The following SLC75A1 variants were observed in gnomAD, a reference collection of about 807,000 sequenced individuals.
SLC75A1 encodes the protein solute carrier family 75 member 1.
chr4:2,932,675 G>T, the SLC75A1 span: 1 of 1,611,090 alleles, frequency 6.2e-7, no homozygotes, highest in African/African-American at 1.3e-5. Context: ...TCCCTTTGCT[G>T]ATGCCCCCAA....
chr4:2,930,933 G>C, the SLC75A1 span: 1 of 1,613,022 alleles, frequency 6.2e-7, no homozygotes. Flanking sequence ...AAGCAGGCCT[G>C]GGCCCCGGCC....
the SLC75A1 span, chr4:2,933,773 C>G: frequency 6.3e-7 from 1 of 1,597,200 alleles, no homozygotes; most frequent in Non-Finnish European, 8.5e-7. Context: ...CCGTGGCTCT[C>G]CAACAGCCCG....
the SLC75A1 span, chr4:2,934,086 C>T: frequency 1.3e-6 from 1 of 753,220 alleles, no homozygotes; most frequent in Middle Eastern, 3.9e-4. Context: ...GCCGTTCTGG[C>T]CTGCGCGATG....
At chr4:2,933,672 T>G in the SLC75A1 span, 2 of 1,612,750 alleles carry the variant, frequency 1.2e-6, no homozygotes, top group Non-Finnish European at 1.7e-6. Context: ...TCCTAGGGGA[T>G]GAGGAATCAC....
the SLC75A1 span, chr4:2,931,583 G>A: frequency 6.2e-7 from 1 of 1,613,242 alleles, no homozygotes; most frequent in Non-Finnish European, 8.5e-7. Flanking sequence ...TTCCCCGCCA[G>A]GGTGGATCCG....
At chr4:2,932,908 G>A in the SLC75A1 span, 1 of 1,125,962 alleles carries the variant, frequency 8.9e-7, no homozygotes, top group Non-Finnish European at 1.2e-6. Flanking sequence ...CCTTCCTAGG[G>A]GCCAGGAGCA....
the SLC75A1 span, chr4:2,934,065 C>A: frequency 3.3e-6 from 3 of 921,956 alleles, no homozygotes; most frequent in Admixed American, 2.8e-5. Context: ...CTCTGGCCTA[C>A]GGACGCAGGG....
chr4:2,933,881 T>G, the SLC75A1 span: 5 of 1,580,904 alleles, frequency 3.2e-6, no homozygotes, highest in African/African-American at 6.7e-5. Context: ...TGCTGGTGGA[T>G]GGGTGGGCGC....
the SLC75A1 span, chr4:2,933,772 T>C: frequency 6.3e-7 from 1 of 1,597,578 alleles, no homozygotes; most frequent in Admixed American, 1.8e-5. Flanking sequence ...GCCGTGGCTC[T>C]CCAACAGCCC....
chr4:2,930,971 C>T, the SLC75A1 span: 1,174 of 1,612,862 alleles, frequency 7.3e-4, 3 homozygotes, highest in East Asian at 0.015. Flanking sequence ...GAGACGGTGG[C>T]GTCACCCAGT....
chr4:2,931,343 A>G, the SLC75A1 span: 5 of 1,544,244 alleles, frequency 3.2e-6, no homozygotes, highest in African/African-American at 4.1e-5. Flanking sequence ...CCTGCTGCCC[A>G]TCGGATCCCC....
chr4:2,932,064 C>G, the SLC75A1 span: 1 of 1,611,042 alleles, frequency 6.2e-7, no homozygotes, highest in East Asian at 2.2e-5. Context: ...AGGGTGGGTC[C>G]TGGCCACGAG....
At chr4:2,931,972 C>T in the SLC75A1 span, 136 of 1,602,726 alleles carry the variant, frequency 8.5e-5, no homozygotes, top group African/African-American at 1.7e-3. Flanking sequence ...AAGGCGACCA[C>T]AGCAGGGAAG....
the SLC75A1 span, chr4:2,932,387 G>T: frequency 6.2e-7 from 1 of 1,613,602 alleles, no homozygotes; most frequent in East Asian, 2.2e-5. Flanking sequence ...GCAGGAAGCA[G>T]AAGATGAACA....
chr4:2,931,947 G>T, the SLC75A1 span: 2 of 1,605,074 alleles, frequency 1.2e-6, no homozygotes, highest in Non-Finnish European at 1.7e-6. Flanking sequence ...CTGGGGAGAG[G>T]TGGCGCGTGC....
At chr4:2,933,302 G>A in the SLC75A1 span, 24 of 1,268,196 alleles carry the variant, frequency 1.9e-5, no homozygotes, top group African/African-American at 3.1e-4. Flanking sequence ...CGTCCTGAGG[G>A]TCCAGTCATG....
chr4:2,932,392 TGAACAGCAGGTCGGAGGCTGC>T, the SLC75A1 span: 2 of 1,613,372 alleles, frequency 1.2e-6, no homozygotes, highest in Non-Finnish European at 1.7e-6. Flanking sequence ...AAGCAGAAGA[TGAACAGCAGGTCGGAGGCTGC>T]GAAGAGCAGG....
the SLC75A1 span, chr4:2,933,038 T>G: frequency 1.7e-4 from 252 of 1,487,184 alleles, no homozygotes; most frequent in Admixed American, 4.0e-4. Context: ...TCTCCCCACC[T>G]AACCCCATGG....
chr4:2,930,682 A>C, the SLC75A1 span: 421 of 723,242 alleles, frequency 5.8e-4, no homozygotes, highest in African/African-American at 2.8e-3. Context: ...AGGAGTAAGT[A>C]AGTCTGGAGG....
Sources: allele counts gnomAD v4.1 joint callset, GRCh38; gene constraint gnomAD v4.1.1; transcripts MANE v1.5; gene names NCBI Gene and HGNC (gene_info 2026-07-23, HGNC 2026-07-21).